Variants in KLF13 observed in about 807,000 individuals in gnomAD.
KLF13 encodes Krueppel-like factor 13.
In KLF13, 8 loss-of-function variants were observed where a neutral mutation model predicts 16.7. That is an observed-to-expected ratio of 0.48 (90% CI 0.28 to 0.87). The LOEUF (loss-of-function observed/expected upper bound fraction) is 0.87, where lower values mean the gene tolerates loss of function less well. KLF13 is among the 40% of genes least tolerant of loss of function. The pLI is 0.10. For synonymous variants in KLF13, 245 were observed against 208.4 expected, an observed-to-expected ratio of 1.18 and a Z score of -1.51; for missense variants, 447 against 452.2, an observed-to-expected ratio of 0.99 and a Z score of 0.10.
chr15:31,333,460 C>T (rs2038869519), intron 1 of KLF13, among the ~76,000 whole-genome samples: 1 of 152,256 alleles, frequency 6.6e-6, no homozygotes, highest in African/African-American at 2.4e-5. Flanking sequence ...ATTTTTGCTG[C>T]TTCTTAAAGG....
chr15:31,343,220 G>A (rs1156989751), intron 1 of KLF13, among the ~76,000 whole-genome samples: 1 of 152,242 alleles, frequency 6.6e-6, no homozygotes, highest in African/African-American at 2.4e-5. Context: ...CACAGGGCCC[G>A]CCGGCTCAGG....
At chr15:31,336,481 C>T (rs751796740) in intron 1 of KLF13, among the ~76,000 whole-genome samples, 13 of 152,198 alleles carry the variant, frequency 8.5e-5, no homozygotes, top group Non-Finnish European at 1.3e-4. Flanking sequence ...TAAGTATGTG[C>T]AGGGCCTGTG....
chr15:31,327,540 G>A lies in KLF13; in HGVS notation c.328G>A (p.Ala110Thr). 9.0e-7 allele frequency: 1 copy of A among 1,107,948 alleles called. No homozygotes were observed. Among genetic ancestry groups the A allele is most frequent in the Non-Finnish European group, 1.1e-6 (1 of 909,142 alleles). The allele number at this position is 1,107,948 out of a possible 1,614,324, so 68.6% of individuals were successfully genotyped here. A position where few individuals can be genotyped will look rare whatever the true frequency, so the allele number is the denominator to read the frequency against. Residue 110 changes from alanine to threonine, a missense_variant, in exon 1 of 2, where the codon GCC becomes ACC. This residue lies in a region of KLF13 where 359 missense variants were observed against 282.8 expected (regional missense o/e 1.27). Coordinates refer to ENST00000307145, the MANE Select transcript of KLF13 (RefSeq NM_015995.4). Reference sequence around the variant, plus strand: ...CGCCCCCGAGCCCACCTCCCCCGGCGCCGAAGGCGCGGCGGCCGCGCCCCC... The same window carrying A: ...CGCCCCCGAGCCCACCTCCCCCGGCACCGAAGGCGCGGCGGCCGCGCCCCC... ...PPAPEPTSPG[A>T]EGAAAAPPSP...
chr15:31,338,616 G>A (rs551546804), intron 1 of KLF13, among the ~76,000 whole-genome samples: 1 of 152,286 alleles, frequency 6.6e-6, no homozygotes, highest in East Asian at 1.9e-4. Context: ...AGGATGGAGG[G>A]TGGGACCCTG....
intron 1 of KLF13, among the ~76,000 whole-genome samples, chr15:31,384,580 A>G (rs887563244): frequency 6.6e-6 from 1 of 152,204 alleles, no homozygotes; most frequent in Non-Finnish European, 1.5e-5. Flanking sequence ...AAAACTCACA[A>G]TAGCACTTTT....
chr15:31,395,323 T>C (rs1429845931), intron 2 of KLF13, among the ~76,000 whole-genome samples: 1 of 152,188 alleles, frequency 6.6e-6, no homozygotes, highest in African/African-American at 2.4e-5. Flanking sequence ...CGTATGGATA[T>C]ACTATTTTTT....
chr15:31,339,069 T>C (rs1213701376), intron 1 of KLF13, among the ~76,000 whole-genome samples: 4 of 152,062 alleles, frequency 2.6e-5, no homozygotes, highest in Non-Finnish European at 5.9e-5. Flanking sequence ...GGCCTGTCCC[T>C]TGGGTGTTGG....
At chr15:31,359,663 A>G (rs1038761153) in intron 1 of KLF13, among the ~76,000 whole-genome samples, 3 of 152,174 alleles carry the variant, frequency 2.0e-5, no homozygotes, top group South Asian at 2.1e-4. Flanking sequence ...CCTTCCTGCA[A>G]TTAGAGCTCT....
At chr15:31,416,082 C>A (rs894117718) in intron 1 of KLF13, among the ~76,000 whole-genome samples, 5 of 152,044 alleles carry the variant, frequency 3.3e-5, no homozygotes, top group African/African-American at 1.2e-4. Context: ...TTAGATAAAA[C>A]TGACAAATTT....
chr15:31,370,155 T>G (rs1445491112), intron 1 of KLF13, among the ~76,000 whole-genome samples: 2 of 151,828 alleles, frequency 1.3e-5, no homozygotes, highest in African/African-American at 2.4e-5. Flanking sequence ...TGTCGTGTAT[T>G]TGGGAAATCG....
intron 1 of KLF13, among the ~76,000 whole-genome samples, chr15:31,429,591 A>T (rs2040444143): frequency 6.6e-6 from 1 of 152,316 alleles, no homozygotes; most frequent in East Asian, 1.9e-4. Flanking sequence ...GGTAAATGTT[A>T]TGTATATTTT....
intron 1 of KLF13, among the ~76,000 whole-genome samples, chr15:31,421,086 G>T (rs1053499635): frequency 2.6e-5 from 4 of 152,016 alleles, no homozygotes; most frequent in African/African-American, 7.3e-5. Context: ...TTCAGCTGTG[G>T]TATTATTTTT....
chr15:31,414,572 C>G (rs4354896), intron 1 of KLF13, among the ~76,000 whole-genome samples: 142,399 of 152,262 alleles, frequency 0.94, 66,738 homozygotes, highest in East Asian at 1. Flanking sequence ...AGCTGGAGAG[C>G]CTACAGTAAT....
Position 31,327,499 on chromosome 15 carries a change from G to T in KLF13, c.287G>T (p.Cys96Phe). The change falls in exon 1 of 2, where the codon TGC becomes TTC. Residue 96 changes from cysteine to phenylalanine, a missense_variant. Around this residue, in one of 2 missense-constraint regions of KLF13, gnomAD observed 359 missense variants for 282.8 expected, o/e 1.27. Coordinates refer to ENST00000307145, the MANE Select transcript of KLF13 (RefSeq NM_015995.4). ...GAAARKARTP[C>F]RLPPPAPEPT... The stretch of plus-strand genomic sequence containing the variant: ...GCGGCCCGGAAGGCGAGGACCCCCT[G>T]CCGCCTGCCGCCGCCCGCCCCCGAG... The T allele has an allele frequency of 1.7e-6, 2 of 1,148,926 alleles. No homozygotes were observed. Among genetic ancestry groups the T allele is most frequent in the Admixed American group, 9.7e-5 (2 of 20,696 alleles). 71.2% of individuals were successfully genotyped at this position (1,148,926 alleles called of 1,614,324 possible).
chr15:31,405,474 G>A (rs1464826672), downstream of KLF13, among the ~76,000 whole-genome samples: 2 of 152,258 alleles, frequency 1.3e-5, no homozygotes, highest in African/African-American at 2.4e-5. Flanking sequence ...TCCAGTTTCT[G>A]GAACTGTGAG....
intron 1 of KLF13, among the ~76,000 whole-genome samples, chr15:31,366,947 G>A (rs1206259239): frequency 4.9e-4 from 75 of 152,382 alleles, no homozygotes; most frequent in Non-Finnish European, 5.9e-5. Flanking sequence ...GATGCTACAG[G>A]ATGTGTGACA....
intron 1 of KLF13, among the ~76,000 whole-genome samples, 184 bp from the exon 2 acceptor site, chr15:31,371,826 G>T (rs375150641): frequency 1.3e-5 from 2 of 152,252 alleles, no homozygotes; most frequent in Non-Finnish European, 2.9e-5. Flanking sequence ...CCCAGGCGTG[G>T]GCGGGAGGGC....
chr15:31,352,632 C>A (rs1595466452), intron 1 of KLF13, among the ~76,000 whole-genome samples: 1 of 152,310 alleles, frequency 6.6e-6, no homozygotes, highest in African/African-American at 2.4e-5. Flanking sequence ...GGAGCAGTAT[C>A]TTCAGGGCTG....
At chr15:31,423,544 A>G (rs906972837) in intron 1 of KLF13, among the ~76,000 whole-genome samples, 1 of 152,082 alleles carries the variant, frequency 6.6e-6, no homozygotes, top group Non-Finnish European at 1.5e-5. Context: ...AGGCAGGAGA[A>G]TGGCTTGAAC....
Sources: gnomAD v4.1 joint callset for allele counts (sites outside exome capture counted in the v4.1 genomes callset) on GRCh38, gnomAD v4.1.1 for gene constraint, gnomAD v4.1.1 regional missense constraint, MANE v1.5 for transcripts, NCBI Gene and HGNC (gene_info 2026-07-23, HGNC 2026-07-21) for gene names.